The following ATRNL1 variants were observed in gnomAD, a reference collection of about 807,000 sequenced individuals.
ATRNL1 encodes attractin-like protein 1.
Under a neutral mutation model 182.7 loss-of-function variants are expected in ATRNL1, and 95 were observed. The ratio of observed to expected loss-of-function variants is 0.52; its 90% CI spans 0.44 to 0.62. ATRNL1 has a LOEUF of 0.62. Among genes scored for constraint, ATRNL1 ranks in the 20% least tolerant of loss-of-function variants. The probability of loss-of-function intolerance (pLI) is 0.00; values close to 1 mark genes in which losing one functional copy is unlikely to be tolerated. For missense variants in ATRNL1, 1,471 were observed against 1,679.5 expected, an observed-to-expected ratio of 0.88 and a Z score of 2.17; for synonymous variants, 576 against 568.3, an observed-to-expected ratio of 1.01 and a Z score of -0.19.
chr10:115,712,797 G>T (rs1429516817), intron 26 of ATRNL1, among the ~76,000 whole-genome samples: 1 of 151,638 alleles, frequency 6.6e-6, no homozygotes, highest in Non-Finnish European at 1.5e-5. Context: ...GAACCCAGGA[G>T]ACGGAGGTTG....
At chr10:115,807,735 T>A (rs545794158) in intron 27 of ATRNL1, among the ~76,000 whole-genome samples, 1 of 152,360 alleles carries the variant, frequency 6.6e-6, no homozygotes, top group African/African-American at 2.4e-5. Context: ...TAAGGCCTAC[T>A]GCTTTGACTC....
chr10:115,510,518 C>T (rs1249326190), intron 24 of ATRNL1, among the ~76,000 whole-genome samples: 1 of 152,092 alleles, frequency 6.6e-6, no homozygotes, highest in East Asian at 1.9e-4. Context: ...TGATCATTAG[C>T]AGTTTTTAGC....
intron 14 of ATRNL1, among the ~76,000 whole-genome samples, chr10:115,284,633 T>A (rs1852520604): frequency 6.6e-6 from 1 of 152,146 alleles, no homozygotes; most frequent in South Asian, 2.1e-4. Flanking sequence ...GTGGGTCCAT[T>A]TGGTGAAGAC....
intron 21 of ATRNL1, among the ~76,000 whole-genome samples, chr10:115,460,401 T>C (rs782415191): frequency 3.3e-5 from 5 of 152,012 alleles, no homozygotes; most frequent in Admixed American, 6.6e-5. Context: ...TTGCTTGGTC[T>C]TAGGAAAAAA....
chr10:115,241,726 G>T lies in ATRNL1; in HGVS notation c.1687+1G>T. 1 of 1,606,644 alleles carries T rather than the reference G, an allele frequency of 6.2e-7. No individual in the cohort carries two copies. The highest frequency in any genetic ancestry group is 8.5e-7 in the Non-Finnish European group (1 of 1,174,946). On this transcript the variant is annotated splice_donor_variant, in intron 10 of 28. Transcript: ENST00000355044. LOFTEE classifies it high-confidence loss of function. ...GCCGATTTCCTGGCATATGACATAG[G>T]TATGTATCTGTTAGGATTGTACAAA...
At chr10:115,186,137 TAAAAC>T (rs1331734079) in intron 8 of ATRNL1, among the ~76,000 whole-genome samples, 2 of 151,810 alleles carry the variant, frequency 1.3e-5, no homozygotes. Flanking sequence ...AACAACAACT[TAAAAC>T]AACCCGATTA....
intron 15 of ATRNL1, among the ~76,000 whole-genome samples, chr10:115,291,817 T>G (rs1452136091): frequency 7.3e-5 from 11 of 151,480 alleles, no homozygotes; most frequent in Non-Finnish European, 1.5e-4. Flanking sequence ...TAGGTTTTTT[T>G]TTTTTTTTTT....
At chr10:115,421,622 G>T (rs575289602) in intron 20 of ATRNL1, among the ~76,000 whole-genome samples, 1 of 152,246 alleles carries the variant, frequency 6.6e-6, no homozygotes, top group South Asian at 2.1e-4. Flanking sequence ...CCCTTTGAAT[G>T]CTGAAGCAAA....
intron 8 of ATRNL1, among the ~76,000 whole-genome samples, chr10:115,187,720 C>G (rs1390754759): frequency 8.7e-6 from 1 of 115,202 alleles, no homozygotes; most frequent in Non-Finnish European, 1.6e-5. Context: ...GAGATGGAGT[C>G]TCCCTCTGTA....
At chr10:115,199,342 G>A (rs1355185873) in intron 8 of ATRNL1, among the ~76,000 whole-genome samples, 7 of 151,836 alleles carry the variant, frequency 4.6e-5, no homozygotes, top group African/African-American at 7.3e-5. Flanking sequence ...CAAGATGGGC[G>A]GATCACAAGG....
chr10:115,558,490 T>C (rs1853459882), intron 26 of ATRNL1, among the ~76,000 whole-genome samples: 1 of 152,226 alleles, frequency 6.6e-6, no homozygotes, highest in Non-Finnish European at 1.5e-5. Context: ...ACTCTCCCTT[T>C]CCATCTGAGA....
chr10:115,216,115 A>G (rs1026099064), intron 9 of ATRNL1, among the ~76,000 whole-genome samples: 1 of 152,132 alleles, frequency 6.6e-6, no homozygotes, highest in African/African-American at 2.4e-5. Context: ...TTTAAAAAGC[A>G]TTTATTTAGT....
At chr10:115,306,241 T>C (rs1436507876) in intron 17 of ATRNL1, among the ~76,000 whole-genome samples, 1 of 152,182 alleles carries the variant, frequency 6.6e-6, no homozygotes, top group Non-Finnish European at 1.5e-5. Flanking sequence ...ACATAAACTT[T>C]TGAGTCTTTG....
intron 20 of ATRNL1, among the ~76,000 whole-genome samples, chr10:115,396,792 G>A (rs1211632046): frequency 6.6e-6 from 1 of 151,746 alleles, no homozygotes; most frequent in African/African-American, 2.4e-5. Context: ...ACATATTTTT[G>A]TTTACAGACA....
At chr10:115,345,476 G>C (rs996634952) in intron 19 of ATRNL1, among the ~76,000 whole-genome samples, 2 of 152,230 alleles carry the variant, frequency 1.3e-5, no homozygotes, top group Non-Finnish European at 2.9e-5. Flanking sequence ...CTGCAGGGAG[G>C]TGGGAGAGGG....
chr10:115,782,647 A>T (rs546659580), intron 27 of ATRNL1, among the ~76,000 whole-genome samples: 1 of 152,286 alleles, frequency 6.6e-6, no homozygotes, highest in Admixed American at 6.5e-5. Flanking sequence ...GGAGTCTGTC[A>T]TGTTCTTGAT....
In ATRNL1 at chr10:115,212,224, A is replaced by G. The variant is rs374240468; in HGVS notation, c.1349-3473A>G. ...TATTGTTCTGTCCTCAAGTTTAACAATTCTTTCCTTTGTCATTTCCACTCC... is the reference window on the plus strand; with the variant it reads ...TATTGTTCTGTCCTCAAGTTTAACAGTTCTTTCCTTTGTCATTTCCACTCC... On this transcript the variant is annotated intron_variant, in intron 8 of 28. Transcript: ENST00000355044. Among the ~76,000 whole-genome samples the G allele has an allele frequency of 8.3e-4, 125 of 151,020 alleles. 2 individuals carry two copies. The South Asian group carries it at 0.025, about 30-fold the overall frequency.
intron 28 of ATRNL1, among the ~76,000 whole-genome samples, chr10:115,913,883 G>C (rs542408000): frequency 2.0e-5 from 3 of 152,036 alleles, no homozygotes; most frequent in Non-Finnish European, 4.4e-5. Flanking sequence ...TGAACATGTG[G>C]TTAGCATTTG....
At chr10:115,821,251 T>C (rs552696197) in intron 27 of ATRNL1, among the ~76,000 whole-genome samples, 1 of 152,306 alleles carries the variant, frequency 6.6e-6, no homozygotes, top group South Asian at 2.1e-4. Context: ...TAAATATATG[T>C]TATTCAATCT....
Sources: allele counts gnomAD v4.1 joint callset (sites outside exome capture counted in the v4.1 genomes callset), GRCh38; gene constraint gnomAD v4.1.1; transcripts MANE v1.5; gene names NCBI Gene and HGNC (gene_info 2026-07-23, HGNC 2026-07-21).